ERC2: variants seen among roughly 807,000 people sequenced by gnomAD.
The protein encoded by ERC2 is ERC protein 2.
ERC2 carries 42 observed loss-of-function variants against 114.8 expected under a neutral mutation model. The ratio of observed to expected loss-of-function variants is 0.37; its 90% CI spans 0.29 to 0.47. The LOEUF (loss-of-function observed/expected upper bound fraction) is 0.47, where lower values mean the gene tolerates loss of function less well. Among genes scored for constraint, ERC2 ranks in the 20% least tolerant of loss-of-function variants. The pLI is 0.99. For synonymous variants in ERC2, 454 were observed against 425.5 expected (o/e 1.07, Z -0.82); for missense variants, 939 against 1,150.7 (o/e 0.82, Z 2.66).
intron 13 of ERC2, among the ~76,000 whole-genome samples, chr3:55,900,355 C>T (rs1482864740): frequency 6.6e-6 from 1 of 152,148 alleles, no homozygotes; most frequent in African/African-American, 2.4e-5. Flanking sequence ...AGCTGTGAGG[C>T]CCTAGAAAAT....
At chr3:55,780,698 CT>C (rs1425368615) in intron 14 of ERC2, among the ~76,000 whole-genome samples, 2 of 152,178 alleles carry the variant, frequency 1.3e-5, no homozygotes, top group East Asian at 3.8e-4. Flanking sequence ...GAAAAGTTCA[CT>C]CCTCTGTGGC....
chr3:56,460,458 C>T (rs1235873659), intron 1 of ERC2, among the ~76,000 whole-genome samples: 4 of 152,098 alleles, frequency 2.6e-5, no homozygotes, highest in African/African-American at 9.7e-5. Flanking sequence ...AAAGCTCCTG[C>T]CTTTATGGAA....
intron 7 of ERC2, among the ~76,000 whole-genome samples, chr3:56,023,185 A>T (rs143708670): frequency 6.6e-6 from 1 of 152,162 alleles, no homozygotes; most frequent in Non-Finnish European, 1.5e-5. Context: ...TTGACTCCAC[A>T]TTTGCTCCTC....
intron 6 of ERC2, among the ~76,000 whole-genome samples, chr3:56,114,442 A>G (rs1293020699): frequency 6.6e-6 from 1 of 152,194 alleles, no homozygotes; most frequent in African/African-American, 2.4e-5. Flanking sequence ...AAAGGCAGTT[A>G]TCTAGGGAGT....
At chr3:56,289,481 G>A (rs1320910194) in intron 3 of ERC2, among the ~76,000 whole-genome samples, 1 of 152,234 alleles carries the variant, frequency 6.6e-6, no homozygotes, top group Non-Finnish European at 1.5e-5. Context: ...AGAGCCCACA[G>A]AGTAAAGCCA....
chr3:55,521,182 C>T (rs1169768724), intron 17 of ERC2, among the ~76,000 whole-genome samples: 1 of 152,170 alleles, frequency 6.6e-6, no homozygotes, highest in Non-Finnish European at 1.5e-5. Flanking sequence ...CAAGGTTTTG[C>T]GATTCCTGCT....
At chr3:56,359,941 C>T (rs969172959) in intron 2 of ERC2, among the ~76,000 whole-genome samples, 12 of 152,120 alleles carry the variant, frequency 7.9e-5, no homozygotes, top group Admixed American at 2.0e-4. Flanking sequence ...AACACCTCCC[C>T]TTAGGCCCCA....
chr3:55,988,163 A>G (rs1313162792), intron 11 of ERC2, among the ~76,000 whole-genome samples: 1 of 152,206 alleles, frequency 6.6e-6, no homozygotes, highest in African/African-American at 2.4e-5. Context: ...ACACAGAAGC[A>G]CTGCATATTT....
chr3:56,026,616 T>C (rs1254528898), intron 7 of ERC2, among the ~76,000 whole-genome samples: 1 of 152,202 alleles, frequency 6.6e-6, no homozygotes, highest in Non-Finnish European at 1.5e-5. Flanking sequence ...GCTTTCTTTT[T>C]GACATTTTAT....
intron 7 of ERC2, among the ~76,000 whole-genome samples, chr3:56,031,843 A>G (rs114363135): frequency 6.6e-6 from 1 of 152,370 alleles, no homozygotes; most frequent in African/African-American, 2.4e-5. Flanking sequence ...TAAACTTGAA[A>G]AATTCCACTG....
intron 14 of ERC2, among the ~76,000 whole-genome samples, chr3:55,836,691 T>C (rs1439984736): frequency 2.0e-5 from 3 of 152,042 alleles, no homozygotes; most frequent in East Asian, 3.9e-4. Flanking sequence ...GACATAGGCG[T>C]GGGCAAGGAC....
At chr3:55,929,060 T>C (rs923359848) in intron 13 of ERC2, among the ~76,000 whole-genome samples, 4 of 151,952 alleles carry the variant, frequency 2.6e-5, no homozygotes, top group African/African-American at 9.7e-5. Flanking sequence ...TGGTGGGGAG[T>C]ACTCCCCATC....
chr3:55,989,993 G>T lies in ERC2; in HGVS notation c.2255+2064C>A, dbSNP rs191915739. On this transcript the variant is annotated intron_variant, in intron 11 of 17. Transcript: ENST00000288221. ...TTTCTGACTACAGGCCCAATCTCAG[G>T]AAGGTCATTTAACTTTTCAAGATCT... Among the ~76,000 whole-genome samples the T allele has an allele frequency of 5.2e-3, 787 of 152,220 alleles. 5 individuals are homozygous for T. The highest frequency in any genetic ancestry group is 0.018 in the African/African-American group (730 of 41,550).
At chr3:55,630,246 G>A (rs927710823) in intron 17 of ERC2, among the ~76,000 whole-genome samples, 4 of 152,080 alleles carry the variant, frequency 2.6e-5, no homozygotes, top group African/African-American at 9.7e-5. Context: ...CTTGGCTCAC[G>A]GCAACCTCTG....
rs975187159 is a variant in ERC2 at position 55,694,386 on chromosome 3, C to T, written c.2847+4992G>A. ...CTCGTAAGGGCCAGACATGTGTGAA[C>T]ATGGGACAAAGAATCTGAATATAAA... On this transcript the variant is annotated intron_variant, in intron 16 of 17. Transcript: ENST00000288221. Among the ~76,000 whole-genome samples, 9 of 152,290 alleles carry T rather than the reference C, an allele frequency of 5.9e-5. No homozygotes were observed. The East Asian group carries it at 1.7e-3, about 29-fold the overall frequency.
chr3:55,591,603 G>A (rs562134567), intron 17 of ERC2, among the ~76,000 whole-genome samples: 140 of 151,828 alleles, frequency 9.2e-4, no homozygotes, highest in African/African-American at 3.0e-3. Flanking sequence ...GTGTGTGTGC[G>A]CGCGCGTGTG....
chr3:55,832,648 A>C (rs1460589977), intron 14 of ERC2, among the ~76,000 whole-genome samples: 1 of 152,218 alleles, frequency 6.6e-6, no homozygotes, highest in Non-Finnish European at 1.5e-5. Flanking sequence ...TAAAACCACA[A>C]AGATGGGGAG....
chr3:56,253,911 T>C (rs2052346282), intron 3 of ERC2, among the ~76,000 whole-genome samples: 1 of 152,102 alleles, frequency 6.6e-6, no homozygotes, highest in South Asian at 2.1e-4. Context: ...CTCAAAAAAA[T>C]AAAATAAAAA....
chr3:56,317,119 A>T (rs1560581368), intron 2 of ERC2, among the ~76,000 whole-genome samples: 1 of 152,204 alleles, frequency 6.6e-6, no homozygotes, highest in Non-Finnish European at 1.5e-5. Context: ...AAAGGATGGG[A>T]GCAAAAGGGA....
Sources: allele counts gnomAD v4.1 joint callset (sites outside exome capture counted in the v4.1 genomes callset), GRCh38; gene constraint gnomAD v4.1.1; transcripts MANE v1.5; gene names NCBI Gene and HGNC (gene_info 2026-07-23, HGNC 2026-07-21).